The following CADPS variants were observed in gnomAD, a reference collection of about 807,000 sequenced individuals.
CADPS encodes the protein calcium-dependent secretion activator 1.
A neutral mutation model predicts 167.3 loss-of-function variants in CADPS; 57 were observed. The ratio of observed to expected loss-of-function variants is 0.34; its 90% CI spans 0.28 to 0.42. The LOEUF is 0.42. Among genes scored for constraint, CADPS ranks in the 20% least tolerant of loss-of-function variants. CADPS has a pLI of 1.00. For synonymous variants in CADPS, 676 were observed against 635.3 expected, an observed-to-expected ratio of 1.06 and a Z score of -0.96; for missense variants, 1,414 against 1,738.1, an observed-to-expected ratio of 0.81 and a Z score of 3.32.
intron 8 of CADPS, 58 bp from the exon 9 acceptor site, chr3:62,570,996 A>G: frequency 8.8e-7 from 1 of 1,132,214 alleles, no homozygotes; most frequent in South Asian, 1.2e-5. Context: ...GAATTGTTGA[A>G]CACACTTTGC....
chr3:62,866,426 G>A (rs150046922), intron 1 of CADPS, among the ~76,000 whole-genome samples: 18 of 152,092 alleles, frequency 1.2e-4, no homozygotes, highest in South Asian at 2.1e-4. Context: ...TACATGTCAG[G>A]TACTGTTTTG....
At chr3:62,746,400 T>A (rs503299) in intron 3 of CADPS, among the ~76,000 whole-genome samples, 83,152 of 151,994 alleles carry the variant, frequency 0.55, 23,670 homozygotes, top group African/African-American at 0.68. Flanking sequence ...GGTGGGTGTT[T>A]TCATGGCTCA....
intron 3 of CADPS, among the ~76,000 whole-genome samples, chr3:62,750,170 G>C (rs2082374444): frequency 6.6e-6 from 1 of 151,684 alleles, no homozygotes; most frequent in African/African-American, 2.4e-5. Context: ...TGGCCAACAT[G>C]GAAAAACCCA....
At chr3:62,744,635 T>C (rs2081064188) in intron 3 of CADPS, among the ~76,000 whole-genome samples, 1 of 152,226 alleles carries the variant, frequency 6.6e-6, no homozygotes, top group African/African-American at 2.4e-5. Context: ...GCAGAAAATA[T>C]TATTTTTGTA....
At chr3:62,750,951 C>A (rs2082558838) in intron 3 of CADPS, among the ~76,000 whole-genome samples, 1 of 152,202 alleles carries the variant, frequency 6.6e-6, no homozygotes, top group Admixed American at 6.5e-5. Flanking sequence ...TAAAAGGCTG[C>A]AGTGAACATC....
intron 21 of CADPS, among the ~76,000 whole-genome samples, chr3:62,486,820 C>G (rs2062892774): frequency 6.6e-6 from 1 of 152,170 alleles, no homozygotes; most frequent in African/African-American, 2.4e-5. Context: ...AGGCAGTGTG[C>G]TTGGAGTAGC....
At chr3:62,747,236 C>T (rs2081652682) in intron 3 of CADPS, among the ~76,000 whole-genome samples, 1 of 152,212 alleles carries the variant, frequency 6.6e-6, no homozygotes, top group Admixed American at 6.5e-5. Flanking sequence ...AACATTTCTT[C>T]TGTAGATATT....
At chr3:62,743,396 T>A (rs1246776816) in intron 3 of CADPS, among the ~76,000 whole-genome samples, 1 of 152,170 alleles carries the variant, frequency 6.6e-6, no homozygotes, top group Admixed American at 6.5e-5. Context: ...AAGCAGTTGT[T>A]ACAAAGACCA....
At chr3:62,656,085 G>A (rs1302336413) in intron 4 of CADPS, among the ~76,000 whole-genome samples, 2 of 152,120 alleles carry the variant, frequency 1.3e-5, no homozygotes, top group Non-Finnish European at 2.9e-5. Flanking sequence ...TCCCACATTT[G>A]AAATGAGGAT....
intron 9 of CADPS, among the ~76,000 whole-genome samples, chr3:62,559,975 AT>A (rs112423113): frequency 0.022 from 3,103 of 141,300 alleles, 68 homozygotes; most frequent in African/African-American, 0.066. Flanking sequence ...GGGCTTTTTA[AT>A]TTTTTTTTTT....
At chr3:62,404,628 C>T (rs1019953824) in intron 28 of CADPS, 2 of 152,106 alleles carry the variant, frequency 1.3e-5, no homozygotes, top group Non-Finnish European at 2.9e-5. Context: ...CCTTGGAGCC[C>T]AGCCGCAACA....
chr3:62,861,317 C>T (rs573486950), intron 1 of CADPS, among the ~76,000 whole-genome samples: 65 of 152,218 alleles, frequency 4.3e-4, no homozygotes, highest in African/African-American at 1.6e-3. Context: ...ACTTAAAGGG[C>T]AGGCACCTTG....
chr3:62,737,392 C>A (rs1337964819), intron 3 of CADPS, among the ~76,000 whole-genome samples: 2 of 151,854 alleles, frequency 1.3e-5, no homozygotes, highest in African/African-American at 2.4e-5. Context: ...TTGCTGAGCC[C>A]AGGAGGTAGA....
intron 1 of CADPS, among the ~76,000 whole-genome samples, chr3:62,766,515 G>A (rs564954101): frequency 6.6e-6 from 1 of 152,080 alleles, no homozygotes; most frequent in East Asian, 1.9e-4. Context: ...CCCCTCTGGT[G>A]GTCTGAAATA....
chr3:62,803,444 A>T (rs2093901690), intron 1 of CADPS, among the ~76,000 whole-genome samples: 1 of 151,668 alleles, frequency 6.6e-6, no homozygotes, highest in South Asian at 2.1e-4. Flanking sequence ...AGCTGTCACA[A>T]CTGGAGGTGA....
chr3:62,698,548 G>A (rs914259194), intron 3 of CADPS, among the ~76,000 whole-genome samples: 22 of 152,076 alleles, frequency 1.4e-4, no homozygotes, highest in Admixed American at 1.3e-3. Context: ...CTCAGGGCTC[G>A]TCTTTTGCCC....
intron 3 of CADPS, among the ~76,000 whole-genome samples, chr3:62,716,337 A>G (rs1297580523): frequency 6.6e-6 from 1 of 152,178 alleles, no homozygotes; most frequent in Non-Finnish European, 1.5e-5. Flanking sequence ...TACACGTGTG[A>G]GCCATTGTGC....
At chr3:62,521,194 A>G (rs1353302920) in intron 13 of CADPS, among the ~76,000 whole-genome samples, 3 of 152,062 alleles carry the variant, frequency 2.0e-5, no homozygotes, top group Non-Finnish European at 4.4e-5. Flanking sequence ...TGGTTCGAGG[A>G]CCACACTCTA....
chr3:62,483,046 T>C (rs1239603491), intron 21 of CADPS, among the ~76,000 whole-genome samples: 1 of 152,016 alleles, frequency 6.6e-6, no homozygotes, highest in Non-Finnish European at 1.5e-5. Flanking sequence ...ACCGTGTGTC[T>C]CAGTAGTGGC....
Sources: gnomAD v4.1 joint callset for allele counts (sites outside exome capture counted in the v4.1 genomes callset) on GRCh38, gnomAD v4.1.1 for gene constraint, MANE v1.5 for transcripts, NCBI Gene and HGNC (gene_info 2026-07-23, HGNC 2026-07-21) for gene names.